The following LYPD5 variants were observed in gnomAD, a reference collection of about 807,000 sequenced individuals.
LYPD5 encodes ly6/PLAUR domain-containing protein 5.
A neutral mutation model predicts 19.1 loss-of-function variants in LYPD5; 21 were observed. The observed-to-expected ratio is 1.10, with a 90% confidence interval of 0.78 to 1.58. The LOEUF (loss-of-function observed/expected upper bound fraction) is 1.58, where lower values mean the gene tolerates loss of function less well. Ranked by LOEUF, LYPD5 falls within the 40% of genes most tolerant of loss-of-function variation. The pLI, the probability that LYPD5 is intolerant of heterozygous loss-of-function variation, is 0.00. For synonymous variants in LYPD5, 128 were observed against 142.7 expected (o/e 0.90, Z 0.74); for missense variants, 287 against 329.8 (o/e 0.87, Z 1.00).
upstream of LYPD5, among the ~76,000 whole-genome samples, chr19:43,806,452 C>T (rs1473839263): frequency 6.6e-6 from 1 of 151,922 alleles, no homozygotes; most frequent in Non-Finnish European, 1.5e-5. Context: ...CACTTGAGGT[C>T]GGGAGTTCAA....
At position 43,798,454 on chromosome 19, in the gene LYPD5, C is replaced by G; in HGVS notation, c.517+1G>C. The G allele has an allele frequency of 6.2e-7, 1 of 1,605,974 alleles. No individual in the cohort carries two copies. The highest frequency in any genetic ancestry group is 8.5e-7 in the Non-Finnish European group (1 of 1,179,984). ...GCCCTTCCACCCTTCCAGCCCCTTA[C>G]CAACTGTCATTCTGCCATTGCCCTG... On this transcript the variant is annotated splice_donor_variant, in intron 4 of 4. Coordinates refer to ENST00000377950, the MANE Select transcript of LYPD5 (RefSeq NM_001031749.3). LOFTEE classifies it high-confidence loss of function.
intron 1 of LYPD5, among the ~76,000 whole-genome samples, chr19:43,813,304 AC>A (rs1970342376): frequency 6.6e-6 from 1 of 150,920 alleles, no homozygotes; most frequent in Non-Finnish European, 1.5e-5. Context: ...AAGTCTGGGA[AC>A]TCCACCGTCT....
At chr19:43,802,170 C>T (rs746270197) in intron 1 of LYPD5, 147 bp downstream of exon 1, 2 of 401,666 alleles carry the variant, frequency 5.0e-6, no homozygotes, top group Non-Finnish European at 9.2e-6. Flanking sequence ...AGGCCCCCAG[C>T]CCCCTCCTCC....
intron 1 of LYPD5, among the ~76,000 whole-genome samples, chr19:43,818,813 C>T (rs1970394640): frequency 6.6e-6 from 1 of 152,328 alleles, no homozygotes; most frequent in African/African-American, 2.4e-5. Context: ...TCAACTCTTG[C>T]ATGCAATTAT....
chr19:43,797,958 G>T, intron 4 of LYPD5, 129 bp from the exon 5 acceptor site: 1 of 717,458 alleles, frequency 1.4e-6, no homozygotes, highest in Non-Finnish European at 2.3e-6. Flanking sequence ...CTAAGACCAG[G>T]GCCAGGCCTC....
Position 43,797,711 on chromosome 19 carries a change from G to A in LYPD5, c.636C>T (p.Leu212=). 6.2e-7 allele frequency: 1 copy of A among 1,613,890 alleles called. No homozygotes were observed. Among genetic ancestry groups the A allele is most frequent in the East Asian group, 2.2e-5 (1 of 44,874 alleles). Reference sequence around the variant, plus strand: ...GCTGGGTCATGGATTTCCTGTTGCAGAGGTACCCCTCACAGCAGGAGCCCT... The same window carrying A: ...GCTGGGTCATGGATTTCCTGTTGCAAAGGTACCCCTCACAGCAGGAGCCCT... The part of the protein sequence containing the change: ...DLQGSCCEGY[L]CNRKSMTQPF... Residue 212 remains leucine, a synonymous_variant, in exon 5 of 5, where the codon CTC becomes CTT. Transcript: ENST00000377950.
intron 1 of LYPD5, among the ~76,000 whole-genome samples, chr19:43,800,367 G>A (rs1193040106): frequency 5.9e-5 from 9 of 152,154 alleles, no homozygotes; most frequent in Admixed American, 5.2e-4. Context: ...TATCCTGAAT[G>A]CACCCAGGCA....
At chr19:43,802,532 T>C, upstream of LYPD5, 2 of 599,444 alleles carry the variant, frequency 3.3e-6, no homozygotes, top group South Asian at 1.8e-5. Flanking sequence ...TCCTAGGTAA[T>C]CGTGATGGAA....
intron 4 of LYPD5, among the ~76,000 whole-genome samples, 155 bp downstream of exon 4, chr19:43,798,300 A>G (rs1351678220): frequency 4.0e-5 from 6 of 151,376 alleles, no homozygotes; most frequent in African/African-American, 1.5e-4. Flanking sequence ...TCTCCCTCAG[A>G]CCAGGGTCAA....
intron 1 of LYPD5, among the ~76,000 whole-genome samples, chr19:43,814,541 T>C (rs1970354670): frequency 6.6e-6 from 1 of 151,124 alleles, no homozygotes; most frequent in Non-Finnish European, 1.5e-5. Flanking sequence ...ATCACAGCTC[T>C]GTACACCAGG....
intron 2 of LYPD5, among the ~76,000 whole-genome samples, chr19:43,799,275 C>T (rs349054): frequency 0.13 from 20,050 of 151,988 alleles, 1,845 homozygotes; most frequent in East Asian, 0.4. Flanking sequence ...GACGGAGCCT[C>T]GCTCTGTCGC....
chr19:43,797,790 C>T lies in LYPD5; in HGVS notation c.557G>A (p.Arg186Gln), dbSNP rs561742202. Residue 186 changes from arginine (R) to glutamine (Q), a missense_variant, in exon 5 of 5, where the codon CGG becomes CAG. Arg to Gln is a conservative substitution (Grantham distance 43). Coordinates refer to ENST00000377950, the MANE Select transcript of LYPD5 (RefSeq NM_001031749.3). ...GGTGCCCTCGGTGGTGCAGGAGGGC[C>T]GGTGGCAGGTTCTGATGTACACAGG... is the stretch of plus-strand genomic sequence containing the variant. ...SVPVYIRTCH[R>Q]PSCTTEGTTS... is the part of the protein sequence containing the mutation. 1.1e-4 allele frequency: 179 copies of T among 1,613,614 alleles called. 1 individual carries two copies. The highest frequency in any genetic ancestry group is 1.4e-4 in the Non-Finnish European group (162 of 1,179,828).
In LYPD5 at chr19:43,811,764, A is replaced by AG. The variant is rs1367523127; in HGVS notation, c.-66+8775dup. On this transcript the variant is annotated intron_variant, in intron 1 of 4. Coordinates refer to the LYPD5 transcript ENST00000414615. ...AAGGAAGGAAGGGAGGGAGGGAGGGAGGAAGGCAGGCAGGAAGACTCATTG... is the reference window on the plus strand; with the variant it reads ...AAGGAAGGAAGGGAGGGAGGGAGGGAGGGAAGGCAGGCAGGAAGACTCATTG... Among the ~76,000 whole-genome samples, 860 of 150,648 alleles carry AG rather than the reference A, an allele frequency of 5.7e-3. 19 individuals are homozygous for AG. Among genetic ancestry groups the AG allele is most frequent in the African/African-American group, 0.019 (782 of 40,870 alleles).
chr19:43,798,361 G>C, intron 4 of LYPD5, 94 bp downstream of exon 4: 5 of 1,454,108 alleles, frequency 3.4e-6, no homozygotes, highest in Non-Finnish European at 3.8e-6. Flanking sequence ...GCAGGGCCAT[G>C]TCTCCCTGTT....
chr19:43,818,135 G>A (rs947740189), intron 1 of LYPD5, among the ~76,000 whole-genome samples: 1 of 152,140 alleles, frequency 6.6e-6, no homozygotes, highest in Non-Finnish European at 1.5e-5. Context: ...TGAGTTCATG[G>A]ACTTACTGAA....
upstream of LYPD5, among the ~76,000 whole-genome samples, chr19:43,802,896 T>C (rs62116998): frequency 0.29 from 44,755 of 151,954 alleles, 7,137 homozygotes; most frequent in Non-Finnish European, 0.38. Context: ...CAAACTAGGC[T>C]GGGCTAGCGT....
At chr19:43,817,188 G>C (rs963024674) in intron 1 of LYPD5, among the ~76,000 whole-genome samples, 2 of 152,090 alleles carry the variant, frequency 1.3e-5, no homozygotes, top group Non-Finnish European at 2.9e-5. Flanking sequence ...GTATAGTCAG[G>C]CCTCACTCAA....
At chr19:43,798,350 AGC>A in intron 4 of LYPD5, 103 bp downstream of exon 4, 1 of 1,396,898 alleles carries the variant, frequency 7.2e-7, no homozygotes, top group Non-Finnish European at 9.9e-7. Flanking sequence ...CCCACCTCAG[AGC>A]AGGGCCATGT....
intron 1 of LYPD5, among the ~76,000 whole-genome samples, chr19:43,812,251 G>A (rs1162789278): frequency 1.3e-5 from 2 of 152,162 alleles, no homozygotes; most frequent in African/African-American, 4.8e-5. Context: ...GCCACAGCAA[G>A]TCACCAGGGT....
Sources: gnomAD v4.1 joint callset for allele counts (sites outside exome capture counted in the v4.1 genomes callset) on GRCh38, gnomAD v4.1.1 for gene constraint, MANE v1.5 for transcripts, NCBI Gene and HGNC (gene_info 2026-07-23, HGNC 2026-07-21) for gene names.